The following LRRC4C variants were observed in gnomAD, a reference collection of about 807,000 sequenced individuals.
LRRC4C encodes the protein leucine rich repeat containing 4C, also known as leucine-rich repeat-containing protein 4C.
A neutral mutation model predicts 33.6 loss-of-function variants in LRRC4C; 5 were observed. The ratio of observed to expected loss-of-function variants is 0.15; its 90% confidence interval spans 0.08 to 0.31. The LOEUF (loss-of-function observed/expected upper bound fraction) is 0.31, where lower values mean the gene tolerates loss of function less well. Among genes scored for constraint, LRRC4C ranks in the 10% least tolerant of loss-of-function variants. The pLI, the probability that LRRC4C is intolerant of heterozygous loss-of-function variation, is 1.00. For missense variants in LRRC4C, 560 were observed against 796.7 expected (o/e 0.70, Z 3.58); for synonymous variants, 329 against 302.0 (o/e 1.09, Z -0.93).
At chr11:41,011,994 G>A (rs182423684) in intron 1 of LRRC4C, among the ~76,000 whole-genome samples, 44 of 150,022 alleles carry the variant, frequency 2.9e-4, no homozygotes, top group African/African-American at 1.1e-3. Flanking sequence ...TCAGGGACAT[G>A]GGATAATTAA....
chr11:41,178,086 T>A (rs192496854), intron 1 of LRRC4C, among the ~76,000 whole-genome samples: 1 of 152,252 alleles, frequency 6.6e-6, no homozygotes, highest in Non-Finnish European at 1.5e-5. Flanking sequence ...GCCCATTACA[T>A]CACTAAAGCA....
In LRRC4C at chr11:40,275,164, T is replaced by A. The variant is rs572082791; in HGVS notation, c.-175-33566A>T. ...AACAAGAGTCTGTCTTTTAAATGTA[T>A]AAATTTAATTATGTGAGAAATACAC... On this transcript the variant is annotated intron_variant, in intron 4 of 6. Coordinates refer to ENST00000528697, the MANE Select transcript of LRRC4C (RefSeq NM_001258419.2). Among the ~76,000 whole-genome samples, 6 of 152,308 alleles carry A rather than the reference T, an allele frequency of 3.9e-5. 1 individual carries two copies. The highest frequency in any genetic ancestry group is 1.4e-4 in the African/African-American group (6 of 41,582).
chr11:40,608,103 ATAC>A (rs1190004419), intron 3 of LRRC4C, among the ~76,000 whole-genome samples: 2 of 152,162 alleles, frequency 1.3e-5, no homozygotes, highest in East Asian at 3.9e-4. Context: ...AGAATACAGA[ATAC>A]TAATACTGCA....
intron 1 of LRRC4C, among the ~76,000 whole-genome samples, chr11:41,019,986 T>C (rs900734201): frequency 2.0e-5 from 3 of 152,194 alleles, no homozygotes; most frequent in African/African-American, 4.8e-5. Context: ...ACTCTCATGA[T>C]AGTTTCTATT....
intron 2 of LRRC4C, among the ~76,000 whole-genome samples, chr11:40,921,879 T>G (rs1348748182): frequency 6.6e-6 from 1 of 152,154 alleles, no homozygotes; most frequent in Non-Finnish European, 1.5e-5. Context: ...GGAATACAAC[T>G]CAACAATTTG....
chr11:41,370,928 A>G (rs1456262921), intron 1 of LRRC4C, among the ~76,000 whole-genome samples: 4 of 152,172 alleles, frequency 2.6e-5, no homozygotes, highest in Non-Finnish European at 5.9e-5. Context: ...CTTCCAGTAG[A>G]TAGGAAGGAG....
chr11:41,243,076 A>G (rs1356933213), intron 1 of LRRC4C, among the ~76,000 whole-genome samples: 1 of 152,182 alleles, frequency 6.6e-6, no homozygotes, highest in Admixed American at 6.5e-5. Flanking sequence ...TCTTTCAGGC[A>G]TCAAAGTTTA....
At chr11:41,195,543 A>C (rs1418938042) in intron 1 of LRRC4C, among the ~76,000 whole-genome samples, 1 of 151,946 alleles carries the variant, frequency 6.6e-6, no homozygotes, top group Admixed American at 6.6e-5. Flanking sequence ...CATCATGGAG[A>C]TATTTCCCCC....
At chr11:40,806,703 CTG>C (rs1951266456) in intron 2 of LRRC4C, among the ~76,000 whole-genome samples, 2 of 152,198 alleles carry the variant, frequency 1.3e-5, no homozygotes, top group African/African-American at 4.8e-5. Context: ...AGTCACATAT[CTG>C]TGTGTATTTT....
chr11:40,305,051 C>T (rs542656458), intron 4 of LRRC4C, among the ~76,000 whole-genome samples: 1 of 152,210 alleles, frequency 6.6e-6, no homozygotes, highest in Non-Finnish European at 1.5e-5. Context: ...AGGCATCAAC[C>T]TTATCCCACA....
At chr11:40,350,447 C>G (rs1171503683) in intron 3 of LRRC4C, among the ~76,000 whole-genome samples, 1 of 151,990 alleles carries the variant, frequency 6.6e-6, no homozygotes. Context: ...GTCCATTGGT[C>G]TATGTGTCTG....
intron 1 of LRRC4C, among the ~76,000 whole-genome samples, chr11:40,968,624 T>C (rs1402211453): frequency 6.6e-6 from 1 of 152,150 alleles, no homozygotes; most frequent in African/African-American, 2.4e-5. Flanking sequence ...CTGAAAATTT[T>C]AGAACCCTTA....
chr11:40,855,384 G>A (rs932714064), intron 2 of LRRC4C, among the ~76,000 whole-genome samples: 1 of 152,036 alleles, frequency 6.6e-6, no homozygotes, highest in African/African-American at 2.4e-5. Context: ...AACAGTAACC[G>A]AAAGGGCATA....
chr11:40,266,909 C>T (rs907697788), intron 4 of LRRC4C, among the ~76,000 whole-genome samples: 2 of 152,054 alleles, frequency 1.3e-5, no homozygotes, highest in South Asian at 2.1e-4. Flanking sequence ...GTTTGGATTT[C>T]GGTGTATGTT....
intron 3 of LRRC4C, among the ~76,000 whole-genome samples, chr11:40,348,986 G>A (rs1185990496): frequency 6.6e-6 from 1 of 152,068 alleles, no homozygotes; most frequent in African/African-American, 2.4e-5. Context: ...GGGTATATGA[G>A]ATACTTTGAA....
chr11:40,114,588 T>C lies in LRRC4C; in HGVS notation c.1705A>G (p.Ile569Val). 6.2e-7 allele frequency: 1 copy of C among 1,614,188 alleles called. No homozygotes were observed. The highest frequency in any genetic ancestry group is 8.5e-7 in the Non-Finnish European group (1 of 1,180,026). ...HHAPTRTVEI[I>V]NVDDEITGDT... ...CCCGTAATCTCATCATCCACATTAA[T>C]AATTTCAACAGTCCTTGTTGGGGCG... The change falls in exon 7 of 7, where the codon ATT becomes GTT. Residue 569 changes from isoleucine (I) to valine (V), a missense_variant. By Grantham distance (29) the Ile-to-Val change is conservative. This residue lies in a region of LRRC4C where 103 missense variants were observed against 132.1 expected (regional missense o/e 0.78). Coordinates refer to ENST00000528697, the MANE Select transcript of LRRC4C (RefSeq NM_001258419.2).
intron 2 of LRRC4C, among the ~76,000 whole-genome samples, chr11:40,703,357 G>T (rs373591666): frequency 6.6e-6 from 1 of 152,084 alleles, no homozygotes; most frequent in South Asian, 2.1e-4. Context: ...ACATAAAAAA[G>T]AAAATGTAAC....
At position 40,648,234 on chromosome 11, in the gene LRRC4C, C is replaced by T. The variant is rs976253967; in HGVS notation, c.-362G>A. ...TTCCAAAGTAGTCTCAGGATGTTTC[C>T]ATATTGTTAATCCGCATAAGTTATT... On this transcript the variant is annotated 5_prime_UTR_variant, in exon 3 of 7. An upstream start codon of the reference 5' UTR is lost. Coordinates refer to ENST00000528697, the MANE Select transcript of LRRC4C (RefSeq NM_001258419.2). 1 of 152,122 alleles carries T rather than the reference C, an allele frequency of 6.6e-6. No homozygotes were observed. Among genetic ancestry groups the T allele is most frequent in the African/African-American group, 2.4e-5 (1 of 41,418 alleles). The allele number at this position is 152,122 out of a possible 1,614,324, so 9.4% of individuals were successfully genotyped here. A position where few individuals can be genotyped will look rare whatever the true frequency, so the allele number is the denominator to read the frequency against.
chr11:41,363,179 A>C (rs1952416734), intron 1 of LRRC4C, among the ~76,000 whole-genome samples: 1 of 152,132 alleles, frequency 6.6e-6, no homozygotes, highest in Non-Finnish European at 1.5e-5. Context: ...CTTTTCTCTA[A>C]GATAATATTG....
Sources: gnomAD v4.1 joint callset for allele counts (sites outside exome capture counted in the v4.1 genomes callset) on GRCh38, gnomAD v4.1.1 for gene constraint, gnomAD v4.1.1 regional missense constraint, MANE v1.5 for transcripts, NCBI Gene and HGNC (gene_info 2026-07-23, HGNC 2026-07-21) for gene names.